Variants in LSM14A observed in about 807,000 individuals in gnomAD.
The protein encoded by LSM14A is LSM14A mRNA processing body assembly factor, also known as protein LSM14 homolog A.
LSM14A carries 14 observed loss-of-function variants against 52.4 expected under a neutral mutation model. The observed-to-expected ratio is 0.27, with a 90% CI of 0.18 to 0.42. The LOEUF (loss-of-function observed/expected upper bound fraction) is 0.42, where lower values mean the gene tolerates loss of function less well. Among genes scored for constraint, LSM14A ranks in the 10% least tolerant of loss-of-function variants. LSM14A has a pLI of 1.00. For missense variants in LSM14A, 417 were observed against 581.8 expected, an observed-to-expected ratio of 0.72 and a Z score of 2.91; for synonymous variants, 185 against 200.3, an observed-to-expected ratio of 0.92 and a Z score of 0.64.
intron 1 of LSM14A, among the ~76,000 whole-genome samples, chr19:34,179,257 T>C (rs1221707370): frequency 6.6e-6 from 1 of 152,248 alleles, no homozygotes; most frequent in Non-Finnish European, 1.5e-5. Flanking sequence ...AATCATCTGC[T>C]AAGTCTGGCT....
At chr19:34,175,565 AC>A (rs2069024710) in intron 1 of LSM14A, among the ~76,000 whole-genome samples, 1 of 152,158 alleles carries the variant, frequency 6.6e-6, no homozygotes, top group African/African-American at 2.4e-5. Context: ...TAAATGTGTA[AC>A]CAGTTTGGGG....
At chr19:34,185,050 ACT>A (rs1202582876) in intron 1 of LSM14A, among the ~76,000 whole-genome samples, 3 of 152,082 alleles carry the variant, frequency 2.0e-5, no homozygotes, top group East Asian at 3.8e-4. Flanking sequence ...TTATTACATC[ACT>A]CTCTAAAATT....
intron 1 of LSM14A, among the ~76,000 whole-genome samples, chr19:34,192,713 G>A (rs1407461093): frequency 2.1e-5 from 3 of 142,900 alleles, no homozygotes; most frequent in Non-Finnish European, 4.5e-5. Context: ...GGTAGCTCAC[G>A]CCTGTGATGC....
chr19:34,173,537 A>G (rs1247201586), intron 1 of LSM14A, among the ~76,000 whole-genome samples: 1 of 152,148 alleles, frequency 6.6e-6, no homozygotes, highest in Non-Finnish European at 1.5e-5. Context: ...CTCTCTGGGA[A>G]AGGGAATTCG....
At chr19:34,191,422 G>A (rs184139707) in intron 1 of LSM14A, among the ~76,000 whole-genome samples, 7 of 151,904 alleles carry the variant, frequency 4.6e-5, no homozygotes, top group Non-Finnish European at 4.4e-5. Context: ...AATGAAGACC[G>A]TGTCCTCTTT....
rs190082376 is a variant in LSM14A, at chr19:34,174,844, A to G, written c.121+2081A>G. Among the ~76,000 whole-genome samples, 144 of 152,360 alleles carry G rather than the reference A, an allele frequency of 9.5e-4. 1 individual carries two copies. Among genetic ancestry groups the G allele is most frequent in the African/African-American group, 3.2e-3 (133 of 41,584 alleles). The stretch of plus-strand genomic sequence containing the variant: ...TTGCTTTACCTAATCTGAATTTAAA[A>G]GTGTCTTGCCAGCTTAGTGACTCAA... On this transcript the variant is annotated intron_variant, in intron 1 of 9. Coordinates refer to ENST00000544216, the MANE Select transcript of LSM14A (RefSeq NM_015578.4).
rs971355217 is a variant in LSM14A at position 34,227,787 on chromosome 19, A to T, written c.*399A>T. Reference sequence around the variant, plus strand: ...GTGATACTGTGTTTTGAGCCACAGAAGGTTGTGTGTGTGTGTGTGTGTGTG... The same window carrying T: ...GTGATACTGTGTTTTGAGCCACAGATGGTTGTGTGTGTGTGTGTGTGTGTG... On this transcript the variant is annotated 3_prime_UTR_variant, in exon 10 of 10. Coordinates refer to ENST00000544216, the MANE Select transcript of LSM14A (RefSeq NM_015578.4). The T allele has an allele frequency of 7.2e-6, 1 of 139,216 alleles. No homozygotes were observed. Among genetic ancestry groups the T allele is most frequent in the Admixed American group, 8.7e-5 (1 of 11,490 alleles). The allele number at this position is 139,216 out of a possible 1,614,324, so 8.6% of individuals were successfully genotyped here.
chr19:34,228,336 T>C lies in LSM14A; in HGVS notation c.*948T>C, dbSNP rs2145924723. 1 of 152,792 alleles carries C rather than the reference T, an allele frequency of 6.5e-6. No homozygotes were observed. Among genetic ancestry groups the C allele is most frequent in the Middle Eastern group, 3.4e-3 (1 of 294 alleles). The allele number at this position is 152,792 out of a possible 1,614,324, so 9.5% of individuals were successfully genotyped here. A position where few individuals can be genotyped will look rare whatever the true frequency, so the allele number is the denominator to read the frequency against. On this transcript the variant is annotated 3_prime_UTR_variant, in exon 10 of 10. Transcript: ENST00000544216. ...CTGTCCAGATAATCGATATTTTCAG[T>C]ATACAAATGTAAATAATCACAGATG...
rs1219407842 is a variant in LSM14A, at chr19:34,194,474, C to T, written c.122-4C>T. On this transcript the variant is annotated splice_region_variant and splice_polypyrimidine_tract_variant and intron_variant, in intron 1 of 9. Coordinates refer to ENST00000544216, the MANE Select transcript of LSM14A (RefSeq NM_015578.4). ...ACATCTCATATCCTTTGTTTTCTTG[C>T]CAGTTCGATCCTTTGGTACAGAAGA... The T allele has an allele frequency of 1.9e-6, 3 of 1,613,376 alleles. No individual in the cohort carries two copies. The highest frequency in any genetic ancestry group is 1.7e-6 in the Non-Finnish European group (2 of 1,179,524).
At chr19:34,204,782 G>A (rs1344197178) in intron 3 of LSM14A, among the ~76,000 whole-genome samples, 1 of 152,146 alleles carries the variant, frequency 6.6e-6, no homozygotes, top group African/African-American at 2.4e-5. Context: ...GTTTGTGGGT[G>A]TAGCTAAAAC....
At chr19:34,184,001 G>A (rs982849364) in intron 1 of LSM14A, among the ~76,000 whole-genome samples, 1 of 150,942 alleles carries the variant, frequency 6.6e-6, no homozygotes. Flanking sequence ...AGCTGCCTAC[G>A]ACCCCCAGTC....
intron 3 of LSM14A, among the ~76,000 whole-genome samples, chr19:34,203,873 AGTT>A: frequency 6.6e-6 from 1 of 151,642 alleles, no homozygotes. Context: ...TAAACATTCC[AGTT>A]AAAAGGCAGA....
intron 3 of LSM14A, 190 bp from the exon 4 acceptor site, chr19:34,208,739 C>G: frequency 2.0e-6 from 1 of 489,632 alleles, no homozygotes; most frequent in Admixed American, 3.4e-5. Flanking sequence ...CCCCCTTCCC[C>G]TGCCCTCCAT....
chr19:34,181,153 G>A (rs2069452214), intron 1 of LSM14A, among the ~76,000 whole-genome samples: 1 of 152,078 alleles, frequency 6.6e-6, no homozygotes, highest in Admixed American at 6.5e-5. Flanking sequence ...CACTTGTGCA[G>A]CATTTGTCCC....
rs997738831 is a variant in LSM14A at position 34,228,772 on chromosome 19, G to A, written c.*1384G>A. 6.6e-6 allele frequency: 1 copy of A among 152,606 alleles called. No homozygotes were observed. Among genetic ancestry groups the A allele is most frequent in the African/African-American group, 2.4e-5 (1 of 41,430 alleles). The allele number at this position is 152,606 out of a possible 1,614,324, so 9.5% of individuals were successfully genotyped here. On this transcript the variant is annotated 3_prime_UTR_variant, in exon 10 of 10. Transcript: ENST00000544216. ...CTTAACTTTCTCCTTAAAACATTCA[G>A]TAGTGATAAAGATATAGAAACTGCA...
chr19:34,195,062 T>C lies in LSM14A; in HGVS notation c.285+421T>C, dbSNP rs73038629. Among the ~76,000 whole-genome samples, 253 of 152,222 alleles carry C rather than the reference T, an allele frequency of 1.7e-3. 1 individual carries two copies. Among genetic ancestry groups the C allele is most frequent in the Non-Finnish European group, 2.4e-3 (160 of 67,996 alleles). ...GTGCTACCATGCTATTGAGATATGG[T>C]TTATATTGCAAACCAAGGCAATAAC... On this transcript the variant is annotated intron_variant, in intron 2 of 9. Transcript: ENST00000544216.
At chr19:34,177,543 A>G (rs1020117602) in intron 1 of LSM14A, among the ~76,000 whole-genome samples, 6 of 152,200 alleles carry the variant, frequency 3.9e-5, no homozygotes, top group African/African-American at 1.4e-4. Context: ...CATATGGCCT[A>G]GTTTGCCCTG....
At chr19:34,222,671 G>C (rs1002627009) in intron 9 of LSM14A, among the ~76,000 whole-genome samples, 13 of 152,280 alleles carry the variant, frequency 8.5e-5, no homozygotes, top group African/African-American at 3.1e-4. Context: ...AGTATTAGTG[G>C]CTTTTGGACC....
At chr19:34,197,947 A>T (rs1361136667) in intron 3 of LSM14A, among the ~76,000 whole-genome samples, 1 of 152,138 alleles carries the variant, frequency 6.6e-6, no homozygotes, top group Non-Finnish European at 1.5e-5. Flanking sequence ...AGCTGGATGT[A>T]ATCAGATTAG....
Sources: allele counts gnomAD v4.1 joint callset (sites outside exome capture counted in the v4.1 genomes callset), GRCh38; gene constraint gnomAD v4.1.1; transcripts MANE v1.5; gene names NCBI Gene and HGNC (gene_info 2026-07-23, HGNC 2026-07-21).